Variants in PTPN13 observed in about 807,000 individuals in gnomAD.
PTPN13 encodes protein tyrosine phosphatase non-receptor type 13.
Under a neutral mutation model 284.0 loss-of-function variants are expected in PTPN13, and 191 were observed. The observed-to-expected ratio is 0.67, with a 90% CI of 0.60 to 0.76. The LOEUF (loss-of-function observed/expected upper bound fraction) is 0.76, where lower values mean the gene tolerates loss of function less well. Among genes scored for constraint, PTPN13 ranks in the 30% least tolerant of loss-of-function variants. The pLI is 0.00. For synonymous variants in PTPN13, 986 were observed against 1,022.3 expected (o/e 0.96, Z 0.68); for missense variants, 2,797 against 2,939.9 (o/e 0.95, Z 1.12).
intron 1 of PTPN13, among the ~76,000 whole-genome samples, chr4:86,599,134 C>T (rs1764079941): frequency 6.6e-6 from 1 of 152,074 alleles, no homozygotes; most frequent in African/African-American, 2.4e-5. Context: ...TGGATGAGAC[C>T]CTGGCATCTG....
At chr4:86,755,818 A>C (rs1418530475) in intron 20 of PTPN13, among the ~76,000 whole-genome samples, 1 of 151,990 alleles carries the variant, frequency 6.6e-6, no homozygotes, top group Non-Finnish European at 1.5e-5. Flanking sequence ...AGATGTATTA[A>C]ATGCATTTTT....
Position 86,732,572 on chromosome 4 carries a change from G to T in PTPN13, c.1684-20G>T, listed in dbSNP as rs554117499. ...TATAATGCTTATTTTAATAAATGCC[G>T]TTTATTTTTTCAATTGTAGACTAAG... On this transcript the variant is annotated intron_variant, in intron 11 of 47. Transcript: ENST00000411767. 2 of 1,602,064 alleles carry T rather than the reference G, an allele frequency of 1.2e-6. No homozygotes were observed. Among genetic ancestry groups the T allele is most frequent in the Admixed American group, 3.4e-5 (2 of 58,740 alleles).
At chr4:86,731,714 G>A (rs978607596) in intron 10 of PTPN13, among the ~76,000 whole-genome samples, 7 of 152,260 alleles carry the variant, frequency 4.6e-5, no homozygotes, top group Non-Finnish European at 1.0e-4. Context: ...TGTGATTATA[G>A]CTCACAGCAG....
chr4:86,621,375 C>T (rs1721223844), intron 1 of PTPN13, among the ~76,000 whole-genome samples: 2 of 152,178 alleles, frequency 1.3e-5, no homozygotes, highest in Non-Finnish European at 2.9e-5. Context: ...TGGCAAAATG[C>T]TTTCAAAGAT....
At chr4:86,671,776 T>C (rs1234308967) in intron 2 of PTPN13, among the ~76,000 whole-genome samples, 1 of 152,240 alleles carries the variant, frequency 6.6e-6, no homozygotes, top group African/African-American at 2.4e-5. Context: ...AGACATTTCA[T>C]TGTAGTTAGA....
At chr4:86,808,331 A>G (rs149824903) in intron 45 of PTPN13, among the ~76,000 whole-genome samples, 1 of 152,252 alleles carries the variant, frequency 6.6e-6, no homozygotes, top group Non-Finnish European at 1.5e-5. Context: ...TAATTTTAGC[A>G]TAAACAGTTG....
At chr4:86,651,083 A>G (rs1008967289) in intron 2 of PTPN13, among the ~76,000 whole-genome samples, 2 of 152,144 alleles carry the variant, frequency 1.3e-5, no homozygotes, top group African/African-American at 2.4e-5. Context: ...ATGTTGAGGT[A>G]TGTTCCTTCT....
At chr4:86,808,848 G>GA (rs967213576) in intron 45 of PTPN13, among the ~76,000 whole-genome samples, 6 of 152,090 alleles carry the variant, frequency 3.9e-5, no homozygotes, top group African/African-American at 9.7e-5. Context: ...TAGTGCTGTG[G>GA]AAAAAAATAG....
intron 1 of PTPN13, among the ~76,000 whole-genome samples, chr4:86,623,997 A>T (rs1218440977): frequency 6.6e-6 from 1 of 152,156 alleles, no homozygotes; most frequent in Non-Finnish European, 1.5e-5. Flanking sequence ...AGTACTTAAA[A>T]CAGTGCCTGG....
chr4:86,734,236 A>G, intron 12 of PTPN13, 67 bp from the exon 13 acceptor site: 1 of 1,237,240 alleles, frequency 8.1e-7, no homozygotes, highest in South Asian at 1.8e-5. Context: ...CCAAAAAGTG[A>G]AGAAATCGGA....
At chr4:86,680,347 C>CTTTATCTA (rs1554306602) in intron 3 of PTPN13, among the ~76,000 whole-genome samples, 1 of 142,550 alleles carries the variant, frequency 7.0e-6, no homozygotes, top group African/African-American at 2.6e-5. Context: ...TTCTATCTAT[C>CTTTATCTA]TCTATCTATC....
intron 2 of PTPN13, among the ~76,000 whole-genome samples, chr4:86,646,528 C>T (rs1229129456): frequency 2.0e-5 from 3 of 152,104 alleles, no homozygotes; most frequent in Non-Finnish European, 4.4e-5. Context: ...GAACTCCTGG[C>T]CTCAAATCAT....
chr4:86,679,644 T>A (rs576096542), intron 3 of PTPN13, among the ~76,000 whole-genome samples: 1 of 152,328 alleles, frequency 6.6e-6, no homozygotes, highest in Admixed American at 6.5e-5. Context: ...CCCAGAGGTA[T>A]CTATGATTTG....
intron 15 of PTPN13, among the ~76,000 whole-genome samples, chr4:86,737,175 C>T (rs1442073812): frequency 1.3e-5 from 2 of 151,568 alleles, no homozygotes; most frequent in African/African-American, 4.9e-5. Flanking sequence ...GAGTTTGAGG[C>T]TGCAGTAAGC....
At chr4:86,789,224 G>A (rs1242701283) in intron 40 of PTPN13, among the ~76,000 whole-genome samples, 4 of 152,150 alleles carry the variant, frequency 2.6e-5, no homozygotes, top group African/African-American at 9.7e-5. Flanking sequence ...CCACTGAAAT[G>A]GATCAATATG....
intron 5 of PTPN13, among the ~76,000 whole-genome samples, chr4:86,692,581 C>T (rs1730143018): frequency 6.6e-6 from 1 of 152,102 alleles, no homozygotes; most frequent in Non-Finnish European, 1.5e-5. Flanking sequence ...GACATTTCTC[C>T]TCTATTTGGC....
rs553634303 is a variant in PTPN13, at chr4:86,695,013, G to A, written c.634+1339G>A. Among the ~76,000 whole-genome samples, 8 of 152,230 alleles carry A rather than the reference G, an allele frequency of 5.3e-5. No homozygotes were observed. The East Asian group carries it at 1.5e-3, about 29-fold the overall frequency. ...TAGACCTTGACTATCTGGACCAAATGTTTTACAGAGTCAGAACTCTCATAT... is the reference window on the plus strand; with the variant it reads ...TAGACCTTGACTATCTGGACCAAATATTTTACAGAGTCAGAACTCTCATAT... On this transcript the variant is annotated intron_variant, in intron 6 of 47. Coordinates refer to ENST00000411767, the MANE Select transcript of PTPN13 (RefSeq NM_080683.3).
At chr4:86,812,722 G>T (rs1430707130) in intron 47 of PTPN13, among the ~76,000 whole-genome samples, 1 of 152,088 alleles carries the variant, frequency 6.6e-6, no homozygotes, top group South Asian at 2.1e-4. Context: ...GGCGGGCAGG[G>T]CACGAGAGAA....
chr4:86,730,493 C>T (rs1285571463), intron 10 of PTPN13, among the ~76,000 whole-genome samples: 1 of 149,788 alleles, frequency 6.7e-6, no homozygotes, highest in Non-Finnish European at 1.5e-5. Context: ...TTTTGTTTAC[C>T]TACTCAAGCC....
Sources: gnomAD v4.1 joint callset for allele counts (sites outside exome capture counted in the v4.1 genomes callset) on GRCh38, gnomAD v4.1.1 for gene constraint, MANE v1.5 for transcripts, NCBI Gene and HGNC (gene_info 2026-07-23, HGNC 2026-07-21) for gene names.